DOCK11: variants seen among roughly 807,000 people sequenced by gnomAD.
DOCK11 encodes the protein dedicator of cytokinesis 11, also known as dedicator of cytokinesis protein 11.
DOCK11 carries 70 observed loss-of-function variants against 169.1 expected under a neutral mutation model. The ratio of observed to expected loss-of-function variants is 0.41; its 90% CI spans 0.34 to 0.51. The LOEUF (loss-of-function observed/expected upper bound fraction) is 0.51. Ranked by LOEUF, DOCK11 falls within the 20% of genes least tolerant of loss-of-function variation. The pLI is 0.10. For synonymous variants in DOCK11, 529 were observed against 541.3 expected (o/e 0.98, Z 0.32); for missense variants, 1,166 against 1,538.8 (o/e 0.76, Z 4.05).
At chrX:118,529,804 G>T (rs768204736) in intron 1 of DOCK11, among the ~76,000 whole-genome samples, 42 of 111,115 alleles carry the variant, frequency 3.8e-4, no homozygotes, top group African/African-American at 1.3e-3. Context: ...GTCTTGAGGT[G>T]GGGGGAGTAG....
At position 118,566,005 on chromosome X, in the gene DOCK11, T is replaced by G; in HGVS notation, c.694T>G (p.Cys232Gly). The G allele has an allele frequency of 8.3e-7, 1 of 1,210,266 alleles. No homozygotes were observed. Among genetic ancestry groups the G allele is most frequent in the Non-Finnish European group, 1.1e-6 (1 of 894,513 alleles). ...AACACATACTTTTTCTCCCCTCTAG[T>G]GCCCCAAAATGCGCCGTCATGCTTT... ...YLDACIDVVQ[C>G]PKMRRHAFEL... is the part of the protein sequence containing the mutation. The change falls in exon 8 of 53, where the codon TGC (cysteine) becomes GGC (glycine). Residue 232 changes from cysteine to glycine, a missense_variant and splice_region_variant. Coordinates refer to ENST00000276202, the MANE Select transcript of DOCK11 (RefSeq NM_144658.4).
chrX:118,534,114 T>G (rs2011672147), intron 1 of DOCK11, among the ~76,000 whole-genome samples: 1 of 112,178 alleles, frequency 8.9e-6, no homozygotes, highest in Non-Finnish European at 1.9e-5. Context: ...CTTAAACCTC[T>G]TTTGTGTTAC....
At chrX:118,640,960 AT>A (rs1482910310) in intron 38 of DOCK11, among the ~76,000 whole-genome samples, 2 of 110,164 alleles carry the variant, frequency 1.8e-5, no homozygotes, top group Admixed American at 9.7e-5. Flanking sequence ...TGCCCGGCTA[AT>A]TTTTTGTATT....
At chrX:118,623,021 G>A (rs1339614448) in intron 31 of DOCK11, among the ~76,000 whole-genome samples, 1 of 111,945 alleles carries the variant, frequency 8.9e-6, no homozygotes, top group Admixed American at 9.5e-5. Flanking sequence ...TTCGAGACCA[G>A]CCTGGCCAAC....
At chrX:118,584,946 A>G (rs961848933) in intron 15 of DOCK11, 89 bp downstream of exon 15, 33 of 1,146,666 alleles carry the variant, frequency 2.9e-5, no homozygotes, top group Middle Eastern at 2.4e-4. Flanking sequence ...ATATGGGAAA[A>G]ACAGAATGAT....
chrX:118,670,889 A>G lies in DOCK11; in HGVS notation c.5077-134A>G, dbSNP rs377115213. 2.4e-4 allele frequency: 106 copies of G among 437,301 alleles called. No homozygotes were observed. The African/African-American group carries it at 2.5e-3, about 10-fold the overall frequency. 36.0% of individuals were successfully genotyped at this position (437,301 alleles called of 1,213,427 possible). On this transcript the variant is annotated intron_variant, in intron 45 of 52. Coordinates refer to ENST00000276202, the MANE Select transcript of DOCK11 (RefSeq NM_144658.4). ...ATTTAGAAAATATCGTCACACAAGTATGTTCCTTTTGTGCATCTCATTGAA... is the reference window on the plus strand; with the variant it reads ...ATTTAGAAAATATCGTCACACAAGTGTGTTCCTTTTGTGCATCTCATTGAA...
chrX:118,538,584 G>A (rs1199897963), intron 1 of DOCK11: 1 of 453,043 alleles, frequency 2.2e-6, no homozygotes, highest in Non-Finnish European at 2.7e-6. Flanking sequence ...CACTACTTAC[G>A]GGAAGAAGAC....
At chrX:118,639,069 A>T (rs1332708293) in intron 37 of DOCK11, among the ~76,000 whole-genome samples, 9 of 112,210 alleles carry the variant, frequency 8.0e-5, no homozygotes, top group African/African-American at 2.9e-4. Flanking sequence ...ATTCTTGAAC[A>T]TCTGGCTCTA....
chrX:118,591,357 A>T (rs1433713135), intron 19 of DOCK11, among the ~76,000 whole-genome samples: 2 of 111,616 alleles, frequency 1.8e-5, no homozygotes, highest in African/African-American at 6.5e-5. Flanking sequence ...TGCTGTGAAT[A>T]GGCATGTTCT....
chrX:118,567,044 C>A (rs1358483140), intron 9 of DOCK11, among the ~76,000 whole-genome samples: 2 of 112,153 alleles, frequency 1.8e-5, no homozygotes, highest in African/African-American at 3.2e-5. Flanking sequence ...ACATGAAAAT[C>A]ATATTCTCTA....
chrX:118,598,704 C>A lies in DOCK11; in HGVS notation c.2473-435C>A, dbSNP rs759148801. Among the ~76,000 whole-genome samples the A allele has an allele frequency of 3.6e-5, 4 of 112,266 alleles. No individual in the cohort carries two copies. The South Asian group carries it at 1.5e-3, about 41-fold the overall frequency. ...ACATAGGACAGTTGGACTCCCTTGC[C>A]AGTGAAGTGCCATGGTAAATTTGGG... On this transcript the variant is annotated intron_variant, in intron 22 of 52. Coordinates refer to ENST00000276202, the MANE Select transcript of DOCK11 (RefSeq NM_144658.4).
intron 12 of DOCK11, among the ~76,000 whole-genome samples, chrX:118,577,548 A>G (rs905367026): frequency 3.6e-5 from 4 of 112,164 alleles, no homozygotes; most frequent in African/African-American, 1.3e-4. Context: ...CACTTTCTCA[A>G]GCAAATTTGA....
At chrX:118,607,418 A>ATTTTTTT (rs56374019) in intron 24 of DOCK11, among the ~76,000 whole-genome samples, 1 of 51,248 alleles carries the variant, frequency 2.0e-5, no homozygotes, top group Non-Finnish European at 3.4e-5. Context: ...CCGGGCCTTC[A>ATTTTTTT]TTTTTTTTTT....
intron 20 of DOCK11, among the ~76,000 whole-genome samples, chrX:118,596,473 A>G (rs1435299947): frequency 8.9e-6 from 1 of 112,533 alleles, no homozygotes; most frequent in Non-Finnish European, 1.9e-5. Flanking sequence ...ACACACTCAC[A>G]CACAGAGTCA....
At chrX:118,644,076 T>C (rs2015599089) in intron 40 of DOCK11, among the ~76,000 whole-genome samples, 1 of 111,773 alleles carries the variant, frequency 8.9e-6, no homozygotes, top group Non-Finnish European at 1.9e-5. Flanking sequence ...GGGCCCTAAA[T>C]GTGCAGTCCA....
intron 1 of DOCK11, among the ~76,000 whole-genome samples, chrX:118,532,596 T>C (rs754644427): frequency 8.5e-4 from 93 of 108,852 alleles, no homozygotes; most frequent in African/African-American, 2.7e-3. Flanking sequence ...CTGGCTAACA[T>C]GGTGAAACCC....
chrX:118,559,620 C>A (rs2012836796), intron 6 of DOCK11, among the ~76,000 whole-genome samples: 1 of 110,493 alleles, frequency 9.1e-6, no homozygotes, highest in Non-Finnish European at 1.9e-5. Context: ...AGCAAATAGG[C>A]CAGGCAGGGT....
intron 40 of DOCK11, among the ~76,000 whole-genome samples, chrX:118,647,880 ATAT>A (rs1319666044): frequency 9.8e-5 from 5 of 51,178 alleles, no homozygotes; most frequent in South Asian, 1.3e-3. Context: ...GTAATATATA[ATAT>A]TTAATAATAT....
chrX:118,547,782 C>G (rs1440247619), intron 6 of DOCK11, among the ~76,000 whole-genome samples: 1 of 112,402 alleles, frequency 8.9e-6, no homozygotes, highest in Non-Finnish European at 1.9e-5. Context: ...TATTTCGTGC[C>G]AGAGTTATCA....
Sources: allele counts gnomAD v4.1 joint callset (sites outside exome capture counted in the v4.1 genomes callset), GRCh38; gene constraint gnomAD v4.1.1; transcripts MANE v1.5; gene names NCBI Gene and HGNC (gene_info 2026-07-23, HGNC 2026-07-21).